Variants in RPTOR observed in about 807,000 individuals in gnomAD.
RPTOR encodes regulatory associated protein of MTOR complex 1, also known as regulatory-associated protein of mTOR.
In RPTOR, 21 loss-of-function variants were observed where a neutral mutation model predicts 169.9. The observed-to-expected ratio is 0.12, with a 90% CI of 0.09 to 0.18. The LOEUF (loss-of-function observed/expected upper bound fraction) is 0.18, where lower values mean the gene tolerates loss of function less well. Ranked by LOEUF, RPTOR falls within the 10% of genes least tolerant of loss-of-function variation. The pLI is 1.00. For synonymous variants in RPTOR, 732 were observed against 753.2 expected (o/e 0.97, Z 0.46); for missense variants, 1,133 against 1,855.9 (o/e 0.61, Z 7.16).
At chr17:80,801,966 G>C (rs549823277) in intron 7 of RPTOR, 39 of 152,352 alleles carry the variant, frequency 2.6e-4, no homozygotes, top group African/African-American at 8.7e-4. Context: ...TCTCATTAAG[G>C]TCCCCCCACG....
At chr17:80,667,661 A>T (rs1422848054) in intron 3 of RPTOR, among the ~76,000 whole-genome samples, 3 of 152,198 alleles carry the variant, frequency 2.0e-5, no homozygotes, top group Non-Finnish European at 4.4e-5. Flanking sequence ...GACAAAGATA[A>T]CAAGTTGTTG....
At chr17:80,772,553 A>C (rs866930943) in intron 6 of RPTOR, among the ~76,000 whole-genome samples, 165 of 23,462 alleles carry the variant, frequency 7.0e-3, no homozygotes, top group South Asian at 0.041. Flanking sequence ...CCCCACCCCT[A>C]CCCTCCCCGC....
chr17:80,713,924 A>T (rs143558368), intron 4 of RPTOR, among the ~76,000 whole-genome samples: 4 of 152,316 alleles, frequency 2.6e-5, no homozygotes, highest in African/African-American at 9.6e-5. Context: ...TAAAAATTAT[A>T]GACAAAATTG....
In RPTOR at chr17:80,883,442, T is replaced by C. The variant is rs1402732333; in HGVS notation, c.1608T>C (p.Ala536=). ...AGGCTGAACACCGGACCATGACGGC[T>C]TTCATTCTCGCCGTGATCGTCAACA... ...YMPAEHRTMT[A]FILAVIVNSY... The change falls in exon 15 of 34, where the codon GCT becomes GCC. Residue 536 remains alanine (A), a synonymous_variant. Coordinates refer to ENST00000306801, the MANE Select transcript of RPTOR (RefSeq NM_020761.3). 1 of 1,614,042 alleles carries C rather than the reference T, an allele frequency of 6.2e-7. No individual in the cohort carries two copies. Among genetic ancestry groups the C allele is most frequent in the African/African-American group, 1.3e-5 (1 of 74,928 alleles).
intron 1 of RPTOR, among the ~76,000 whole-genome samples, chr17:80,587,245 C>G (rs2065069123): frequency 6.6e-6 from 1 of 152,218 alleles, no homozygotes; most frequent in South Asian, 2.1e-4. Flanking sequence ...TTGTGCATCC[C>G]CGAAATAATA....
chr17:80,759,958 G>A lies in RPTOR; in HGVS notation c.830+5773G>A, dbSNP rs138405817. On this transcript the variant is annotated intron_variant, in intron 6 of 33. Transcript: ENST00000306801. ...ACTGATGTAAGTGGACAGAATTTACGATTTCATATCCTTAACCCTTCGCAT... is the reference window on the plus strand; with the variant it reads ...ACTGATGTAAGTGGACAGAATTTACAATTTCATATCCTTAACCCTTCGCAT... 7.9e-5 allele frequency among the ~76,000 whole-genome samples: 12 copies of A among 152,226 alleles called. No homozygotes were observed. The East Asian group carries it at 1.7e-3, about 22-fold the overall frequency.
In RPTOR at chr17:80,874,033, A is replaced by G. The variant is rs532436552; in HGVS notation, c.1510-6382A>G. On this transcript the variant is annotated intron_variant, in intron 13 of 33. Coordinates refer to ENST00000306801, the MANE Select transcript of RPTOR (RefSeq NM_020761.3). Reference sequence around the variant, plus strand: ...AGGGGCAGAGGACGTCTCAGTCTGTACCTGTCTATAGCATTTTAATGTTTG... The same window carrying G: ...AGGGGCAGAGGACGTCTCAGTCTGTGCCTGTCTATAGCATTTTAATGTTTG... Among the ~76,000 whole-genome samples, 150 of 152,320 alleles carry G rather than the reference A, an allele frequency of 9.8e-4. 1 individual carries two copies. The highest frequency in any genetic ancestry group is 3.4e-3 in the African/African-American group (142 of 41,562).
chr17:80,725,775 A>T (rs1217250338), intron 4 of RPTOR, among the ~76,000 whole-genome samples: 1 of 152,152 alleles, frequency 6.6e-6, no homozygotes, highest in African/African-American at 2.4e-5. Flanking sequence ...ATCAAAGGTC[A>T]TTTTCCACAC....
intron 1 of RPTOR, among the ~76,000 whole-genome samples, chr17:80,600,051 T>C (rs1390616347): frequency 6.6e-6 from 1 of 152,180 alleles, no homozygotes; most frequent in Non-Finnish European, 1.5e-5. Context: ...TGGACTGGGC[T>C]GTGAGCTCCG....
At chr17:80,794,477 T>A (rs1415821032) in intron 7 of RPTOR, among the ~76,000 whole-genome samples, 4 of 152,204 alleles carry the variant, frequency 2.6e-5, no homozygotes, top group Admixed American at 2.6e-4. Context: ...GAATGCAGAA[T>A]GGTGCGGCCA....
At chr17:80,890,663 A>G (rs960705065) in intron 17 of RPTOR, among the ~76,000 whole-genome samples, 3 of 152,226 alleles carry the variant, frequency 2.0e-5, no homozygotes, top group African/African-American at 7.2e-5. Context: ...CGCAGTTCAT[A>G]GGGCAGGGAG....
intron 7 of RPTOR, among the ~76,000 whole-genome samples, chr17:80,791,867 C>A (rs544352563): frequency 9.6e-4 from 146 of 152,312 alleles, no homozygotes; most frequent in African/African-American, 3.3e-3. Context: ...ACCTTATTTT[C>A]TGAAACTGTC....
At chr17:80,964,160 C>T (rs546572010) in intron 33 of RPTOR, 102 bp from the exon 34 acceptor site, 144 of 1,028,038 alleles carry the variant, frequency 1.4e-4, no homozygotes, top group East Asian at 3.9e-4. Context: ...CCTGAGACCC[C>T]GGCAGGAGCT....
intron 1 of RPTOR, among the ~76,000 whole-genome samples, chr17:80,573,235 C>T (rs2064926344): frequency 6.6e-6 from 1 of 152,166 alleles, no homozygotes; most frequent in Non-Finnish European, 1.5e-5. Flanking sequence ...AATGTCTTGG[C>T]TATTCTTGTT....
intron 3 of RPTOR, among the ~76,000 whole-genome samples, chr17:80,658,096 C>T (rs1308227389): frequency 2.0e-5 from 3 of 152,176 alleles, no homozygotes; most frequent in Non-Finnish European, 4.4e-5. Flanking sequence ...CTACCCACCC[C>T]CCTTTACTTT....
chr17:80,898,043 A>T (rs2068428302), intron 20 of RPTOR, among the ~76,000 whole-genome samples: 1 of 152,200 alleles, frequency 6.6e-6, no homozygotes, highest in Non-Finnish European at 1.5e-5. Flanking sequence ...TCGGTGTCTG[A>T]GTAGAATTTG....
At position 80,957,848 on chromosome 17, in the gene RPTOR, CAG is replaced by C. The variant is rs2069273265; in HGVS notation, c.3477+119_3477+120del. On this transcript the variant is annotated intron_variant, in intron 29 of 33. Transcript: ENST00000306801. This position sits in a 1 kb window ranked among gnomAD's most constrained non-coding sequence, Gnocchi z 4.6. ...GGCCTGGCCATCCCAGGGGTGGAGT[CAG>C]GGCCTGGGAGGACAGTGCCGGGACA... 2.2e-6 allele frequency: 2 copies of C among 899,346 alleles called. No homozygotes were observed. Among genetic ancestry groups the C allele is most frequent in the Non-Finnish European group, 3.5e-6 (2 of 566,134 alleles). 55.7% of individuals were successfully genotyped at this position (899,346 alleles called of 1,614,324 possible). A position where few individuals can be genotyped will look rare whatever the true frequency, so the allele number is the denominator to read the frequency against.
chr17:80,681,576 T>A (rs35544492), intron 3 of RPTOR, among the ~76,000 whole-genome samples: 18,744 of 139,754 alleles, frequency 0.13, 2,751 homozygotes, highest in African/African-American at 0.31. Flanking sequence ...CTCTTACACC[T>A]TCATGAGGTG....
chr17:80,885,882 A>T (rs1364244643), intron 17 of RPTOR, among the ~76,000 whole-genome samples: 5 of 152,320 alleles, frequency 3.3e-5, no homozygotes, highest in Admixed American at 1.3e-4. Context: ...ACCTGTTTAG[A>T]TGTAGAAATA....
Sources: gnomAD v4.1 joint callset for allele counts (sites outside exome capture counted in the v4.1 genomes callset) on GRCh38, gnomAD v4.1.1 for gene constraint, Gnocchi (gnomAD v3.1) non-coding constraint, MANE v1.5 for transcripts, NCBI Gene and HGNC (gene_info 2026-07-23, HGNC 2026-07-21) for gene names.